Variants in PTGFRN observed in about 807,000 individuals in gnomAD.
PTGFRN encodes the protein prostaglandin F2 receptor negative regulator.
PTGFRN carries 35 observed loss-of-function variants against 83.2 expected under a neutral mutation model. The ratio of observed to expected loss-of-function variants is 0.42; its 90% CI spans 0.32 to 0.56. The LOEUF (loss-of-function observed/expected upper bound fraction) is 0.56. PTGFRN is among the 20% of genes least tolerant of loss of function. The pLI, the probability that PTGFRN is intolerant of heterozygous loss-of-function variation, is 0.11. For synonymous variants in PTGFRN, 519 were observed against 498.6 expected (o/e 1.04, Z -0.55); for missense variants, 1,051 against 1,179.5 (o/e 0.89, Z 1.60).
chr1:116,927,299 G>T (rs1174671395), intron 1 of PTGFRN, among the ~76,000 whole-genome samples: 1 of 152,134 alleles, frequency 6.6e-6, no homozygotes, highest in Non-Finnish European at 1.5e-5. Flanking sequence ...TTAGCCAGGT[G>T]ACAAAACCTC....
intron 1 of PTGFRN, among the ~76,000 whole-genome samples, chr1:116,911,607 G>C (rs1649274283): frequency 6.6e-6 from 1 of 152,190 alleles, no homozygotes; most frequent in Non-Finnish European, 1.5e-5. Flanking sequence ...CTTCCACTTA[G>C]TTTTATGGCA....
chr1:116,981,045 C>G (rs528982058), intron 7 of PTGFRN, among the ~76,000 whole-genome samples: 34 of 152,264 alleles, frequency 2.2e-4, no homozygotes, highest in African/African-American at 7.7e-4. Flanking sequence ...TAAATTTTTT[C>G]TTTGCATTTA....
In PTGFRN at chr1:116,951,901, T is replaced by C. The variant is rs535016879; in HGVS notation, c.1213+2329T>C. On this transcript the variant is annotated intron_variant, in intron 4 of 8. Coordinates refer to ENST00000393203, the MANE Select transcript of PTGFRN (RefSeq NM_020440.4). ...GTACGGATACCATACCACATACAAC[T>C]TGGGACCAATATAAGGTAACCGAGA... Among the ~76,000 whole-genome samples the C allele has an allele frequency of 3.5e-4, 53 of 152,308 alleles. 1 individual carries two copies. In the East Asian group the frequency reaches 6.9e-3, roughly 20 times the overall value.
intron 7 of PTGFRN, among the ~76,000 whole-genome samples, chr1:116,981,006 T>C (rs1286106404): frequency 1.3e-5 from 2 of 152,172 alleles, no homozygotes; most frequent in Non-Finnish European, 2.9e-5. Context: ...GAGGGTGCTA[T>C]TGTAGTTAGA....
intron 4 of PTGFRN, among the ~76,000 whole-genome samples, chr1:116,953,853 C>CTTTTTTTTTTTTTT (rs531278323): frequency 7.4e-6 from 1 of 135,044 alleles, no homozygotes; most frequent in Non-Finnish European, 1.6e-5. Flanking sequence ...ATGAATATTT[C>CTTTTTTTTTTTTTT]TTTTTTTTTT....
Position 116,944,787 on chromosome 1 carries a change from C to A in PTGFRN, c.527C>A (p.Pro176Gln). 6.4e-7 allele frequency: 1 copy of A among 1,562,904 alleles called. No homozygotes were observed. The highest frequency in any genetic ancestry group is 8.6e-7 in the Non-Finnish European group (1 of 1,158,318). The change falls in exon 3 of 9, where the codon CCG becomes CAG. Residue 176 changes from proline to glutamine, a missense_variant. Transcript: ENST00000393203. ...ELRCTAASAS[P>Q]LHTHLALLWE... ...CGCTGCACCGCCGCCTCCGCCTCGC[C>A]GCTGCACACGCACCTGGCGCTGCTG... is the stretch of plus-strand genomic sequence containing the variant.
chr1:116,973,905 G>A (rs564104552), intron 6 of PTGFRN, among the ~76,000 whole-genome samples: 1 of 152,310 alleles, frequency 6.6e-6, no homozygotes, highest in Non-Finnish European at 1.5e-5. Flanking sequence ...AACCAGCCCA[G>A]GCTGTTCCAG....
rs78381406 is a variant in PTGFRN at position 116,950,630 on chromosome 1, A to G, written c.1213+1058A>G. Among the ~76,000 whole-genome samples the G allele has an allele frequency of 1.3e-3, 194 of 152,090 alleles. 2 individuals carry two copies. In the East Asian group the frequency reaches 0.031, roughly 24 times the overall value. On this transcript the variant is annotated intron_variant, in intron 4 of 8. Coordinates refer to ENST00000393203, the MANE Select transcript of PTGFRN (RefSeq NM_020440.4). The stretch of plus-strand genomic sequence containing the variant: ...GGAAATCTTCTCTTGGGTTAGTGGC[A>G]TATTCGCTCTCCTTTTTTTTTTCCT...
At chr1:116,973,702 T>G (rs534672591) in intron 6 of PTGFRN, among the ~76,000 whole-genome samples, 1 of 151,986 alleles carries the variant, frequency 6.6e-6, no homozygotes, top group Non-Finnish European at 1.5e-5. Context: ...CCACACCTCA[T>G]AGAAATATCA....
intron 1 of PTGFRN, among the ~76,000 whole-genome samples, chr1:116,934,008 GC>G (rs1649860799): frequency 6.6e-6 from 1 of 152,122 alleles, no homozygotes; most frequent in Non-Finnish European, 1.5e-5. Context: ...GTCCTTCTGG[GC>G]CTCTGTGACA....
chr1:116,967,897 A>T (rs1158744074), intron 6 of PTGFRN, among the ~76,000 whole-genome samples: 1 of 152,238 alleles, frequency 6.6e-6, no homozygotes, highest in East Asian at 1.9e-4. Flanking sequence ...ACATTCATGT[A>T]CAAATTTTTG....
chr1:116,937,162 G>A (rs1339835165), intron 1 of PTGFRN, among the ~76,000 whole-genome samples: 8 of 151,430 alleles, frequency 5.3e-5, no homozygotes, highest in African/African-American at 1.9e-4. Flanking sequence ...TGAGGTTGCA[G>A]TAGGTGAAAC....
In PTGFRN at chr1:116,923,263, G is replaced by A. The variant is rs185857895; in HGVS notation, c.49+13011G>A. ...GTGTATATTATATATATTTAAAATT[G>A]TGGACGTTAAGTTATAACAGGGGCA... On this transcript the variant is annotated intron_variant, in intron 1 of 8. Transcript: ENST00000393203. This position sits in a 1 kb window ranked among gnomAD's most constrained non-coding sequence, Gnocchi z 4.0. 1.1e-3 allele frequency among the ~76,000 whole-genome samples: 168 copies of A among 152,304 alleles called. 1 individual carries two copies. Among genetic ancestry groups the A allele is most frequent in the African/African-American group, 3.6e-3 (151 of 41,574 alleles).
chr1:116,919,968 C>T (rs1649500453), intron 1 of PTGFRN, among the ~76,000 whole-genome samples: 2 of 152,220 alleles, frequency 1.3e-5, no homozygotes, highest in Non-Finnish European at 2.9e-5. Context: ...CAAAGGTCTC[C>T]CCTTCCATCT....
chr1:116,913,857 G>A (rs1026079968), intron 1 of PTGFRN, among the ~76,000 whole-genome samples: 6 of 152,206 alleles, frequency 3.9e-5, no homozygotes, highest in African/African-American at 1.4e-4. Context: ...ACATAAATTG[G>A]AGAGTAGAAG....
intron 7 of PTGFRN, among the ~76,000 whole-genome samples, chr1:116,980,029 C>CA (rs1321983578): frequency 1.3e-5 from 2 of 151,946 alleles, no homozygotes; most frequent in East Asian, 3.9e-4. Flanking sequence ...AAGAAAAAAA[C>CA]AACCCCATCA....
chr1:116,930,859 C>T (rs1309809775), intron 1 of PTGFRN, among the ~76,000 whole-genome samples: 3 of 152,134 alleles, frequency 2.0e-5, no homozygotes, highest in Non-Finnish European at 4.4e-5. Context: ...ATGCTACACC[C>T]CTTATCTCTG....
In PTGFRN at chr1:116,986,820, T is replaced by A; in HGVS notation, c.2493T>A (p.Tyr831Ter). ...TCCCAGTGCTGAACGCCTTCAAGTATCCCTTGCTGATCGGCGTCGGTCTGT... is the reference window on the plus strand; with the variant it reads ...TCCCAGTGCTGAACGCCTTCAAGTAACCCTTGCTGATCGGCGTCGGTCTGT... ...VKMDVLNAFKYPLLIGVGLST... is the reference protein window; with the variant it reads ...VKMDVLNAFK The change falls in exon 9 of 9, where the codon TAT (tyrosine) becomes TAA (stop). Residue 831 changes from tyrosine to a stop codon, truncating the protein, a stop_gained. Coordinates refer to ENST00000393203, the MANE Select transcript of PTGFRN (RefSeq NM_020440.4). LOFTEE classifies it high-confidence loss of function. 2 of 1,614,132 alleles carry A rather than the reference T, an allele frequency of 1.2e-6. No individual in the cohort carries two copies. The highest frequency in any genetic ancestry group is 1.7e-6 in the Non-Finnish European group (2 of 1,179,992).
chr1:116,940,764 A>G (rs1489263335), intron 1 of PTGFRN, among the ~76,000 whole-genome samples: 1 of 152,222 alleles, frequency 6.6e-6, no homozygotes, highest in East Asian at 1.9e-4. Flanking sequence ...TTGATTTCAG[A>G]CATGCTTTCT....
Sources: allele counts gnomAD v4.1 joint callset (sites outside exome capture counted in the v4.1 genomes callset), GRCh38; gene constraint gnomAD v4.1.1; non-coding constraint Gnocchi (gnomAD v3.1); transcripts MANE v1.5; gene names NCBI Gene and HGNC (gene_info 2026-07-23, HGNC 2026-07-21).